The following SEC31B variants were observed in gnomAD, a reference collection of about 807,000 sequenced individuals.
The protein encoded by SEC31B is protein transport protein Sec31B.
In SEC31B, 113 loss-of-function variants were observed where a neutral mutation model predicts 135.0. The observed-to-expected ratio is 0.84, with a 90% CI of 0.72 to 0.98. The LOEUF (loss-of-function observed/expected upper bound fraction) is 0.98. Among genes scored for constraint, SEC31B ranks in the 50% least tolerant of loss-of-function variants. The probability of loss-of-function intolerance (pLI) is 0.00; values close to 1 mark genes in which losing one functional copy is unlikely to be tolerated. For missense variants in SEC31B, 1,296 were observed against 1,421.1 expected, an observed-to-expected ratio of 0.91 and a Z score of 1.42; for synonymous variants, 508 against 549.4, an observed-to-expected ratio of 0.92 and a Z score of 1.05.
At chr10:100,489,463 G>A in intron 22 of SEC31B, 65 bp from the exon 23 acceptor site, 4 of 1,574,698 alleles carry the variant, frequency 2.5e-6, no homozygotes, top group Non-Finnish European at 1.7e-6. Context: ...GTTTTGGGGA[G>A]TGGCAGGAAT....
chr10:100,504,182 C>G (rs1345953838), intron 10 of SEC31B, among the ~76,000 whole-genome samples: 1 of 152,164 alleles, frequency 6.6e-6, no homozygotes, highest in African/African-American at 2.4e-5. Flanking sequence ...TAATAAATGA[C>G]AGAGCTATGA....
At chr10:100,488,314 C>T (rs1001676362) in intron 24 of SEC31B, among the ~76,000 whole-genome samples, 64 of 152,080 alleles carry the variant, frequency 4.2e-4, no homozygotes, top group African/African-American at 1.5e-3. Flanking sequence ...AAAAAATTAG[C>T]CGGGTATGGA....
rs191600734 is a variant in SEC31B at position 100,493,894 on chromosome 10, A to T, written c.2472+1491T>A. On this transcript the variant is annotated intron_variant, in intron 19 of 25. Transcript: ENST00000370345. ...TGGGATGCAGGAGACATCCCAGTAC[A>T]TTTCTTTGCCACCTCCTGTGAATCT... Among the ~76,000 whole-genome samples, 4 of 151,030 alleles carry T rather than the reference A, an allele frequency of 2.6e-5. No individual in the cohort carries two copies. The South Asian group carries it at 8.6e-4, about 32-fold the overall frequency.
chr10:100,490,619 C>G, intron 20 of SEC31B, 87 bp downstream of exon 20: 1 of 1,331,180 alleles, frequency 7.5e-7, no homozygotes, highest in East Asian at 2.5e-5. Context: ...GACAGACATA[C>G]AGCTTCCCAA....
intron 6 of SEC31B, 44 bp downstream of exon 6, chr10:100,507,864 G>A (rs1448970738): frequency 6.2e-7 from 1 of 1,613,364 alleles, no homozygotes; most frequent in East Asian, 2.2e-5. Context: ...AGGCAGGAGA[G>A]AGAAGCCAGA....
At chr10:100,493,339 C>CT (rs1308673853) in intron 19 of SEC31B, among the ~76,000 whole-genome samples, 2 of 151,344 alleles carry the variant, frequency 1.3e-5, no homozygotes, top group Middle Eastern at 3.4e-3. Flanking sequence ...CGCCACTGCA[C>CT]TCCAGCCTGG....
intron 3 of SEC31B, among the ~76,000 whole-genome samples, chr10:100,513,199 G>A (rs1174091363): frequency 6.6e-6 from 1 of 152,220 alleles, no homozygotes; most frequent in Non-Finnish European, 1.5e-5. Flanking sequence ...ATCCCTTTGG[G>A]ATTGAGGTCT....
intron 12 of SEC31B, 45 bp downstream of exon 12, chr10:100,499,479 C>T (rs1173334427): frequency 2.0e-6 from 3 of 1,485,874 alleles, no homozygotes; most frequent in East Asian, 4.5e-5. Flanking sequence ...ACATTCTCTT[C>T]TTCTCTTCAA....
chr10:100,508,883 C>A, intron 5 of SEC31B, 124 bp downstream of exon 5: 1 of 726,924 alleles, frequency 1.4e-6, no homozygotes, highest in Non-Finnish European at 2.4e-6. Context: ...GTCTGTGGAG[C>A]TTTATTGCCC....
chr10:100,519,192 C>G (rs1851903551), intron 1 of SEC31B, among the ~76,000 whole-genome samples: 1 of 152,184 alleles, frequency 6.6e-6, no homozygotes, highest in Admixed American at 6.5e-5. Context: ...GTTTTAATCG[C>G]TGACAGTCTA....
chr10:100,515,469 G>C (rs1281226339), intron 3 of SEC31B, among the ~76,000 whole-genome samples: 1 of 152,206 alleles, frequency 6.6e-6, no homozygotes, highest in Non-Finnish European at 1.5e-5. Flanking sequence ...TGGAAAGAAG[G>C]TAGGCTTTGG....
rs1239899038 is a variant in SEC31B at position 100,490,000 on chromosome 10, A to C, written c.2965+8T>G. The C allele has an allele frequency of 1.3e-6, 2 of 1,537,718 alleles. No individual in the cohort carries two copies. The highest frequency in any genetic ancestry group is 4.3e-5 in the Admixed American group (2 of 46,396). On this transcript the variant is annotated splice_region_variant and intron_variant, in intron 21 of 25. Transcript: ENST00000370345. ...CCCAGAAGAGGGATCCATGGAAGGA[A>C]GACTGACCTGGGTGAGGAGTCAAGA...
intron 11 of SEC31B, chr10:100,500,091 G>A: frequency 2.2e-6 from 1 of 456,732 alleles, no homozygotes; most frequent in Non-Finnish European, 4.4e-6. Context: ...AAGCTTCTAA[G>A]TCAGGGCAAC....
chr10:100,487,187 A>ATCTC lies in SEC31B; in HGVS notation c.*428_*429insGAGA. The ATCTC allele has an allele frequency of 5.5e-6, 1 of 181,994 alleles. No individual in the cohort carries two copies. Among genetic ancestry groups the ATCTC allele is most frequent in the Non-Finnish European group, 1.1e-5 (1 of 87,020 alleles). 11.3% of individuals were successfully genotyped at this position (181,994 alleles called of 1,614,324 possible). A position where few individuals can be genotyped will look rare whatever the true frequency, so the allele number is the denominator to read the frequency against. On this transcript the variant is annotated 3_prime_UTR_variant, in exon 26 of 26. Coordinates refer to ENST00000370345, the MANE Select transcript of SEC31B (RefSeq NM_015490.4). The stretch of plus-strand genomic sequence containing the variant: ...AAATACCAAGTCAGAGGCAGGGAAA[A>ATCTC]GGTAAGGGCAGGCTCATAAACCACA...
Position 100,501,448 on chromosome 10 carries a change from T to G in SEC31B, c.1410+806A>C, listed in dbSNP as rs75843521. Among the ~76,000 whole-genome samples the G allele has an allele frequency of 5.8e-4, 89 of 152,348 alleles. 1 individual carries two copies. The East Asian group carries it at 0.017, about 29-fold the overall frequency. Reference sequence around the variant, plus strand: ...ATTCTTTTCTTCCCACATCATTCTCTGGCTTCACTGTATAGTCAAGATCTT... The same window carrying G: ...ATTCTTTTCTTCCCACATCATTCTCGGGCTTCACTGTATAGTCAAGATCTT... On this transcript the variant is annotated intron_variant, in intron 11 of 25. Coordinates refer to ENST00000370345, the MANE Select transcript of SEC31B (RefSeq NM_015490.4).
At chr10:100,509,221 G>A in intron 4 of SEC31B, 95 bp downstream of exon 4, 1 of 1,491,214 alleles carries the variant, frequency 6.7e-7, no homozygotes, top group Non-Finnish European at 9.3e-7. Context: ...CCTGGAAAGG[G>A]GTCAGAGTTA....
chr10:100,513,678 C>T (rs1216684513), intron 3 of SEC31B, among the ~76,000 whole-genome samples: 2 of 151,728 alleles, frequency 1.3e-5, no homozygotes, highest in African/African-American at 4.8e-5. Flanking sequence ...CTATGTTGGC[C>T]AGGCTGGTCT....
rs751727018 is a variant in SEC31B, at chr10:100,490,827, C to T, written c.2529G>A (p.Met843Ile). ...GGCTAGGATGGGAAGGTGCCAAGGG[C>T]ATCGCTGGTGATGACTGAGGGGTGA... ...RVFTPQSSPA[M>I]PLAPSHPSPY... The change falls in exon 20 of 26, where the codon ATG becomes ATA. Residue 843 changes from methionine (M) to isoleucine (I), a missense_variant. Transcript: ENST00000370345. The T allele has an allele frequency of 6.3e-7, 1 of 1,598,720 alleles. No homozygotes were observed. Among genetic ancestry groups the T allele is most frequent in the East Asian group, 2.2e-5 (1 of 44,472 alleles).
At position 100,496,434 on chromosome 10, in the gene SEC31B, G is replaced by GT; in HGVS notation, c.2137-4dup. ...ACCATCACCTTCTCCATCAGGTCCT[G>GT]TAAGGGCAAGGATGAGGGTGGTAAG... On this transcript the variant is annotated splice_polypyrimidine_tract_variant and splice_region_variant and intron_variant, in intron 17 of 25. Coordinates refer to ENST00000370345, the MANE Select transcript of SEC31B (RefSeq NM_015490.4). The GT allele has an allele frequency of 1.9e-6, 3 of 1,614,054 alleles. No homozygotes were observed. The highest frequency in any genetic ancestry group is 1.7e-6 in the Non-Finnish European group (2 of 1,179,962).
Sources: gnomAD v4.1 joint callset for allele counts (sites outside exome capture counted in the v4.1 genomes callset) on GRCh38, gnomAD v4.1.1 for gene constraint, MANE v1.5 for transcripts, NCBI Gene and HGNC (gene_info 2026-07-23, HGNC 2026-07-21) for gene names.